The following C7orf33 variants were observed in gnomAD, a reference collection of about 807,000 sequenced individuals.
C7orf33 encodes the protein chromosome 7 open reading frame 33, also known as uncharacterized protein C7orf33.
C7orf33 carries 15 observed loss-of-function variants against 13.4 expected under a neutral mutation model. The observed-to-expected ratio is 1.12, with a 90% confidence interval of 0.75 to 1.72. The LOEUF is 1.72. Among genes scored for constraint, C7orf33 ranks in the 40% most tolerant of loss-of-function variants. The probability of loss-of-function intolerance (pLI) is 0.00; values close to 1 mark genes in which losing one functional copy is unlikely to be tolerated. For synonymous variants in C7orf33, 73 were observed against 83.2 expected, an observed-to-expected ratio of 0.88 and a Z score of 0.67; for missense variants, 187 against 220.3, an observed-to-expected ratio of 0.85 and a Z score of 0.96.
At chr7:148,594,604 A>G (rs1393571044) in intron 1 of C7orf33, among the ~76,000 whole-genome samples, 7 of 152,188 alleles carry the variant, frequency 4.6e-5, no homozygotes, top group Admixed American at 4.6e-4. Flanking sequence ...CACCCAAGTA[A>G]AATGCAGAAC....
rs1331254657 is a variant in C7orf33, at chr7:148,615,368, G to A, written c.501G>A (p.Glu167=). Residue 167 remains glutamate (E), a synonymous_variant, in exon 3 of 3, where the codon GAG becomes GAA. Transcript: ENST00000307003. ...TAAGAAAGCTCCAGAATTCTGTTGA[G>A]GCCACAAGGATTTCCAGAACTGACA... ...HEVRKLQNSV[E]ATRISRTDSS The A allele has an allele frequency of 1.9e-6, 3 of 1,613,554 alleles. No homozygotes were observed. The highest frequency in any genetic ancestry group is 1.7e-5 in the Admixed American group (1 of 60,008).
Position 148,607,363 on chromosome 7 carries a change from G to C in C7orf33, c.205-6679G>C, listed in dbSNP as rs550910054. 6.2e-4 allele frequency among the ~76,000 whole-genome samples: 94 copies of C among 152,280 alleles called. 1 individual carries two copies. The highest frequency in any genetic ancestry group is 2.2e-3 in the African/African-American group (91 of 41,556). On this transcript the variant is annotated intron_variant, in intron 1 of 2. Transcript: ENST00000307003. ...TTGTAAATCTCTGTCCTGCATTTAA[G>C]CAAATGGAGGGCAGAGAGCTTTCCT...
chr7:148,594,866 T>C (rs1035512638), intron 1 of C7orf33, among the ~76,000 whole-genome samples: 2 of 152,104 alleles, frequency 1.3e-5, no homozygotes, highest in African/African-American at 2.4e-5. Flanking sequence ...GTTAATGTTA[T>C]GGTTCAGGAA....
At chr7:148,597,832 T>C (rs1796358876) in intron 1 of C7orf33, among the ~76,000 whole-genome samples, 1 of 152,162 alleles carries the variant, frequency 6.6e-6, no homozygotes. Flanking sequence ...CTCAGCTTAC[T>C]GCAAGCTCCG....
chr7:148,598,317 A>C (rs902792583), intron 1 of C7orf33, among the ~76,000 whole-genome samples: 4 of 152,044 alleles, frequency 2.6e-5, no homozygotes, highest in Non-Finnish European at 4.4e-5. Flanking sequence ...GTTGATGGAC[A>C]CTTAGGTTCC....
At chr7:148,594,690 G>T (rs1796308936) in intron 1 of C7orf33, among the ~76,000 whole-genome samples, 1 of 152,090 alleles carries the variant, frequency 6.6e-6, no homozygotes, top group South Asian at 2.1e-4. Flanking sequence ...ATTGTTTAGG[G>T]AAATGTGAAA....
intron 1 of C7orf33, among the ~76,000 whole-genome samples, chr7:148,609,521 C>G (rs898547966): frequency 6.6e-6 from 1 of 152,202 alleles, no homozygotes; most frequent in South Asian, 2.1e-4. Flanking sequence ...CTCAGATTTT[C>G]AAATCCCAGC....
At chr7:148,592,168 ACT>A (rs1796278096) in intron 1 of C7orf33, among the ~76,000 whole-genome samples, 1 of 152,024 alleles carries the variant, frequency 6.6e-6, no homozygotes. Context: ...ATGAAGAATG[ACT>A]CTGGTCATTC....
At chr7:148,596,570 C>T (rs866034683) in intron 1 of C7orf33, among the ~76,000 whole-genome samples, 23 of 152,234 alleles carry the variant, frequency 1.5e-4, no homozygotes, top group East Asian at 1.2e-3. Context: ...ATGAGAAAGA[C>T]GCAAAAGCAG....
Position 148,614,272 on chromosome 7 carries a change from G to A in C7orf33, c.435G>A (p.Arg145=). ...DLLTLSYKPG[R]TVTSSYLNVR... Reference sequence around the variant, plus strand: ...TAACTCTCTCTTACAAGCCTGGGAGGACAGTGACAAGTTCATACCTAAACG... The same window carrying A: ...TAACTCTCTCTTACAAGCCTGGGAGAACAGTGACAAGTTCATACCTAAACG... The change falls in exon 2 of 3, where the codon AGG becomes AGA. Residue 145 remains arginine (R), a synonymous_variant. Coordinates refer to ENST00000307003, the MANE Select transcript of C7orf33 (RefSeq NM_145304.4). 4 of 1,614,144 alleles carry A rather than the reference G, an allele frequency of 2.5e-6. No homozygotes were observed. The highest frequency in any genetic ancestry group is 3.4e-6 in the Non-Finnish European group (4 of 1,180,014).
chr7:148,598,577 T>A (rs1259890504), intron 1 of C7orf33, among the ~76,000 whole-genome samples: 3 of 151,382 alleles, frequency 2.0e-5, no homozygotes, highest in African/African-American at 7.3e-5. Context: ...TACAACATTC[T>A]GGTGCAAGTT....
In C7orf33 at chr7:148,614,134, T is replaced by C; in HGVS notation, c.297T>C (p.Leu99=). Residue 99 remains leucine, a synonymous_variant, in exon 2 of 3, where the codon CTT becomes CTC. Transcript: ENST00000307003. The stretch of plus-strand genomic sequence containing the variant: ...AATCTGGTGCCCCGTGGCATTTTCT[T>C]TCTCAAGGTCCCACGGATGCCCAGA... ...PTKSGAPWHF[L]SQGPTDAQRA... 1 of 1,614,230 alleles carries C rather than the reference T, an allele frequency of 6.2e-7. No homozygotes were observed. Among genetic ancestry groups the C allele is most frequent in the Non-Finnish European group, 8.5e-7 (1 of 1,180,044 alleles).
Position 148,590,966 on chromosome 7 carries a change from C to T in C7orf33, c.41C>T (p.Pro14Leu), listed in dbSNP as rs748551171. The T allele has an allele frequency of 5.6e-6, 9 of 1,613,978 alleles. No individual in the cohort carries two copies. The highest frequency in any genetic ancestry group is 7.6e-6 in the Non-Finnish European group (9 of 1,180,024). ...EVQSLSLEECPWRLPGPQCEC... is the reference protein window; with the variant it reads ...EVQSLSLEECLWRLPGPQCEC... Reference sequence around the variant, plus strand: ...CAAAGCCTCAGCCTTGAAGAGTGTCCCTGGAGACTTCCAGGCCCCCAATGT... The same window carrying T: ...CAAAGCCTCAGCCTTGAAGAGTGTCTCTGGAGACTTCCAGGCCCCCAATGT... Residue 14 changes from proline (P) to leucine (L), a missense_variant, in exon 1 of 3, where the codon CCC becomes CTC. Pro to Leu is a moderately conservative substitution (Grantham distance 98). Coordinates refer to ENST00000307003, the MANE Select transcript of C7orf33 (RefSeq NM_145304.4).
chr7:148,611,350 T>C (rs2116903193), intron 1 of C7orf33, among the ~76,000 whole-genome samples: 1 of 152,094 alleles, frequency 6.6e-6, no homozygotes, highest in East Asian at 1.9e-4. Flanking sequence ...ACCCAAGACC[T>C]TAGTGGGTAC....
intron 1 of C7orf33, among the ~76,000 whole-genome samples, chr7:148,603,004 A>C (rs1381183631): frequency 6.6e-6 from 1 of 152,216 alleles, no homozygotes; most frequent in East Asian, 1.9e-4. Flanking sequence ...CAAGAAAAGC[A>C]AATGAAACCA....
intron 1 of C7orf33, among the ~76,000 whole-genome samples, chr7:148,610,785 TAAA>T (rs1160361840): frequency 6.6e-6 from 1 of 151,904 alleles, no homozygotes; most frequent in East Asian, 1.9e-4. Flanking sequence ...CAGGGCTAGT[TAAA>T]AAACAAGATG....
rs536737875 is a variant in C7orf33, at chr7:148,597,842, G to A, written c.204+6713G>A. ...GTGATCTCAGCTTACTGCAAGCTCC[G>A]CTTCCCAGGTTCACGCCATTCTCCT... On this transcript the variant is annotated intron_variant, in intron 1 of 2. Coordinates refer to ENST00000307003, the MANE Select transcript of C7orf33 (RefSeq NM_145304.4). Among the ~76,000 whole-genome samples, 18 of 152,168 alleles carry A rather than the reference G, an allele frequency of 1.2e-4. No homozygotes were observed. The South Asian group carries it at 3.3e-3, about 28-fold the overall frequency.
intron 1 of C7orf33, among the ~76,000 whole-genome samples, chr7:148,598,925 C>T (rs1274051181): frequency 4.0e-5 from 6 of 151,372 alleles, no homozygotes; most frequent in Non-Finnish European, 7.4e-5. Flanking sequence ...TGCAATGGCA[C>T]GATCTTGGCT....
chr7:148,607,888 T>C (rs1796491647), intron 1 of C7orf33, among the ~76,000 whole-genome samples: 1 of 152,206 alleles, frequency 6.6e-6, no homozygotes, highest in African/African-American at 2.4e-5. Flanking sequence ...CTTTCCTGGC[T>C]CCAAACCCCT....
Sources: gnomAD v4.1 joint callset for allele counts (sites outside exome capture counted in the v4.1 genomes callset) on GRCh38, gnomAD v4.1.1 for gene constraint, MANE v1.5 for transcripts, NCBI Gene and HGNC (gene_info 2026-07-23, HGNC 2026-07-21) for gene names.